Variants in ZNF385D observed in about 807,000 individuals in gnomAD.
ZNF385D encodes the protein zinc finger protein 385D.
In ZNF385D, 15 loss-of-function variants were observed where a neutral mutation model predicts 35.8. The observed-to-expected ratio is 0.42, with a 90% confidence interval of 0.28 to 0.64. ZNF385D has a LOEUF of 0.64. Among genes scored for constraint, ZNF385D ranks in the 30% least tolerant of loss-of-function variants. The pLI is 0.23. For missense variants in ZNF385D, 474 were observed against 494.6 expected (o/e 0.96, Z 0.39); for synonymous variants, 212 against 186.8 (o/e 1.13, Z -1.10).
intron 4 of ZNF385D, among the ~76,000 whole-genome samples, chr3:21,501,689 C>A (rs1706381845): frequency 6.6e-6 from 1 of 152,028 alleles, no homozygotes; most frequent in Non-Finnish European, 1.5e-5. Context: ...AGATTTCTAC[C>A]TTTAAGAATC....
intron 3 of ZNF385D, among the ~76,000 whole-genome samples, chr3:21,891,466 A>G (rs931189754): frequency 3.3e-5 from 5 of 152,322 alleles, no homozygotes; most frequent in African/African-American, 1.2e-4. Context: ...GAATGGCCTT[A>G]TCATTGTCAC....
intron 3 of ZNF385D, among the ~76,000 whole-genome samples, chr3:21,548,518 A>T (rs543024953): frequency 1.3e-5 from 2 of 152,152 alleles, no homozygotes; most frequent in South Asian, 2.1e-4. Context: ...CCCATGCTTA[A>T]TCCTCTTCTC....
intron 3 of ZNF385D, among the ~76,000 whole-genome samples, chr3:21,549,855 T>G (rs2062506704): frequency 6.6e-6 from 1 of 152,172 alleles, no homozygotes; most frequent in Non-Finnish European, 1.5e-5. Flanking sequence ...AGTGTGTCCC[T>G]CAGAAGATCC....
chr3:22,006,387 G>C (rs1397571297), intron 3 of ZNF385D, among the ~76,000 whole-genome samples: 1 of 152,068 alleles, frequency 6.6e-6, no homozygotes, highest in Admixed American at 6.5e-5. Flanking sequence ...TGTAAAATTA[G>C]AAATGTTCAT....
chr3:21,767,268 C>CA (rs1313057946), intron 3 of ZNF385D, among the ~76,000 whole-genome samples: 1 of 152,080 alleles, frequency 6.6e-6, no homozygotes, highest in African/African-American at 2.4e-5. Flanking sequence ...AATCATCCTA[C>CA]AAAATACATT....
intron 3 of ZNF385D, among the ~76,000 whole-genome samples, chr3:21,888,907 G>C (rs985011271): frequency 5.9e-5 from 9 of 152,186 alleles, no homozygotes; most frequent in Non-Finnish European, 1.0e-4. Flanking sequence ...TCAAAAAGCA[G>C]GACTTAGAAG....
chr3:21,428,040 T>G (rs979043141), intron 5 of ZNF385D, among the ~76,000 whole-genome samples: 1 of 152,168 alleles, frequency 6.6e-6, no homozygotes, highest in Non-Finnish European at 1.5e-5. Context: ...TAAGATATTG[T>G]CAATCATAAT....
chr3:21,717,239 G>A (rs531040066), intron 1 of ZNF385D, among the ~76,000 whole-genome samples: 1 of 152,294 alleles, frequency 6.6e-6, no homozygotes, highest in Admixed American at 6.5e-5. Context: ...AAAAGTTTTT[G>A]TGAATACAGT....
chr3:22,053,227 A>C (rs1699364906), intron 3 of ZNF385D, among the ~76,000 whole-genome samples: 1 of 87,908 alleles, frequency 1.1e-5, no homozygotes, highest in African/African-American at 4.2e-5. Flanking sequence ...AAGCAAGAGC[A>C]AACACATTCA....
intron 3 of ZNF385D, among the ~76,000 whole-genome samples, chr3:21,764,000 G>A (rs774698876): frequency 6.6e-6 from 1 of 152,162 alleles, no homozygotes; most frequent in African/African-American, 2.4e-5. Context: ...ATGAGATACT[G>A]CAATGGAAGG....
chr3:21,965,797 A>G (rs2125329010), intron 3 of ZNF385D, among the ~76,000 whole-genome samples: 1 of 152,352 alleles, frequency 6.6e-6, no homozygotes, highest in Non-Finnish European at 1.5e-5. Flanking sequence ...TAGGGATAAA[A>G]GGGCAAAATA....
At chr3:22,102,985 T>C (rs533372375) in intron 3 of ZNF385D, among the ~76,000 whole-genome samples, 2 of 150,138 alleles carry the variant, frequency 1.3e-5, no homozygotes, top group East Asian at 1.9e-4. Context: ...ATATATTTTA[T>C]ATATTATATA....
At chr3:22,137,628 G>A (rs1704231394) in intron 3 of ZNF385D, among the ~76,000 whole-genome samples, 1 of 152,154 alleles carries the variant, frequency 6.6e-6, no homozygotes, top group Non-Finnish European at 1.5e-5. Context: ...AGCCCTTCAT[G>A]CTAAAAGCTC....
intron 2 of ZNF385D, among the ~76,000 whole-genome samples, chr3:22,193,198 C>A (rs1576474458): frequency 6.6e-6 from 1 of 152,090 alleles, no homozygotes; most frequent in African/African-American, 2.4e-5. Context: ...CTTTATTTGA[C>A]ACCTTCCTTC....
intron 3 of ZNF385D, among the ~76,000 whole-genome samples, chr3:21,535,199 G>A (rs533024619): frequency 6.6e-6 from 1 of 152,254 alleles, no homozygotes; most frequent in South Asian, 2.1e-4. Context: ...TGCTTCTAAA[G>A]AATCATGTTA....
chr3:21,735,355 A>C (rs1302705728), intron 1 of ZNF385D, among the ~76,000 whole-genome samples: 5 of 152,168 alleles, frequency 3.3e-5, no homozygotes, highest in Admixed American at 2.0e-4. Context: ...ACAGATCTGA[A>C]TTCTAGGCGG....
intron 3 of ZNF385D, among the ~76,000 whole-genome samples, chr3:21,806,045 T>C (rs973205162): frequency 6.6e-6 from 1 of 152,124 alleles, no homozygotes; most frequent in African/African-American, 2.4e-5. Flanking sequence ...TTGTTCTCAT[T>C]TGCTCTGGGA....
chr3:21,433,457 T>C (rs1701398596), intron 5 of ZNF385D, among the ~76,000 whole-genome samples: 1 of 152,290 alleles, frequency 6.6e-6, no homozygotes, highest in Non-Finnish European at 1.5e-5. Flanking sequence ...CAGATCAGAA[T>C]TGGCCTTCAA....
chr3:21,485,220 C>T lies in ZNF385D; in HGVS notation c.439+25641G>A, dbSNP rs1704942612. On this transcript the variant is annotated intron_variant, in intron 4 of 7. Coordinates refer to ENST00000281523, the MANE Select transcript of ZNF385D (RefSeq NM_024697.3). Reference sequence around the variant, plus strand: ...TTCACATGTACGTGTTTCTGAGCCACAGTGTTACATGATCAGCTGGCTCAG... The same window carrying T: ...TTCACATGTACGTGTTTCTGAGCCATAGTGTTACATGATCAGCTGGCTCAG... 2.0e-5 allele frequency among the ~76,000 whole-genome samples: 3 copies of T among 152,162 alleles called. No individual in the cohort carries two copies. The South Asian group carries it at 6.2e-4, about 31-fold the overall frequency.
Sources: gnomAD v4.1 joint callset for allele counts (sites outside exome capture counted in the v4.1 genomes callset) on GRCh38, gnomAD v4.1.1 for gene constraint, MANE v1.5 for transcripts, NCBI Gene and HGNC (gene_info 2026-07-23, HGNC 2026-07-21) for gene names.